The following PTPRK variants were observed in gnomAD, a reference collection of about 807,000 sequenced individuals.
The protein encoded by PTPRK is protein tyrosine phosphatase receptor type K.
A neutral mutation model predicts 178.0 loss-of-function variants in PTPRK; 75 were observed. The observed-to-expected ratio is 0.42, with a 90% confidence interval of 0.35 to 0.51. The LOEUF is 0.51. Among genes scored for constraint, PTPRK ranks in the 20% least tolerant of loss-of-function variants. The probability of loss-of-function intolerance (pLI) is 0.02; values close to 1 mark genes in which losing one functional copy is unlikely to be tolerated. For synonymous variants in PTPRK, 637 were observed against 620.6 expected, an observed-to-expected ratio of 1.03 and a Z score of -0.39; for missense variants, 1,441 against 1,797.8, an observed-to-expected ratio of 0.80 and a Z score of 3.59.
At chr6:128,031,655 T>C (rs1264598539) in intron 13 of PTPRK, among the ~76,000 whole-genome samples, 2 of 152,200 alleles carry the variant, frequency 1.3e-5, no homozygotes, top group Non-Finnish European at 2.9e-5. Flanking sequence ...AAATCAGCTA[T>C]GCTCCTTTCC....
At chr6:128,320,765 C>A (rs1828676736) in intron 3 of PTPRK, among the ~76,000 whole-genome samples, 1 of 152,108 alleles carries the variant, frequency 6.6e-6, no homozygotes, top group Non-Finnish European at 1.5e-5. Context: ...GATCTTGCAA[C>A]AAGTGCTCTA....
chr6:128,422,676 C>CA (rs750423577), intron 1 of PTPRK, among the ~76,000 whole-genome samples: 3,234 of 14,706 alleles, frequency 0.22, 1,283 homozygotes, highest in East Asian at 0.41. Context: ...TTCACGGACG[C>CA]AAAAAAAAAA....
chr6:128,003,114 T>C (rs1778025375), intron 15 of PTPRK: 15 of 1,377,638 alleles, frequency 1.1e-5, no homozygotes, highest in Non-Finnish European at 1.5e-5. Context: ...CCTCCTGCAC[T>C]GTAAATAATC....
At chr6:128,369,262 C>A (rs1032284077) in intron 2 of PTPRK, among the ~76,000 whole-genome samples, 1 of 149,990 alleles carries the variant, frequency 6.7e-6, no homozygotes, top group African/African-American at 2.5e-5. Flanking sequence ...AGAGAGTGAG[C>A]TCTTTTCCAA....
At chr6:128,016,568 G>C (rs1779616286) in intron 13 of PTPRK, among the ~76,000 whole-genome samples, 1 of 151,684 alleles carries the variant, frequency 6.6e-6, no homozygotes. Context: ...CCATATTTTG[G>C]GGTAATGTGC....
intron 21 of PTPRK, among the ~76,000 whole-genome samples, chr6:127,986,226 T>C (rs1245657104): frequency 2.0e-5 from 3 of 152,200 alleles, no homozygotes; most frequent in Non-Finnish European, 2.9e-5. Flanking sequence ...TGCTGCCCCA[T>C]TGACCCAATG....
chr6:128,316,920 A>G (rs191647968), intron 3 of PTPRK, among the ~76,000 whole-genome samples: 1 of 149,290 alleles, frequency 6.7e-6, no homozygotes, highest in East Asian at 1.9e-4. Context: ...CAATGACTAT[A>G]ATAATATGAG....
At chr6:128,192,721 T>C (rs1040588636) in intron 6 of PTPRK, among the ~76,000 whole-genome samples, 2 of 151,040 alleles carry the variant, frequency 1.3e-5, no homozygotes, top group Non-Finnish European at 2.9e-5. Context: ...GAGGCTGAGA[T>C]GGGAAGATCA....
intron 2 of PTPRK, among the ~76,000 whole-genome samples, chr6:128,356,170 A>G (rs370526605): frequency 6.6e-5 from 10 of 152,110 alleles, no homozygotes; most frequent in African/African-American, 2.4e-4. Context: ...CACATCAAAC[A>G]TCAATTAAAC....
intron 1 of PTPRK, among the ~76,000 whole-genome samples, chr6:128,402,118 T>G (rs1396653574): frequency 6.6e-6 from 1 of 152,192 alleles, no homozygotes; most frequent in African/African-American, 2.4e-5. Flanking sequence ...AAAGCCAATA[T>G]ATTTCACAAA....
At chr6:128,352,134 A>G (rs777870504) in intron 2 of PTPRK, among the ~76,000 whole-genome samples, 7 of 151,072 alleles carry the variant, frequency 4.6e-5, no homozygotes, top group African/African-American at 1.2e-4. Flanking sequence ...CACACCTGTA[A>G]TCCCAGCTAC....
intron 22 of PTPRK, among the ~76,000 whole-genome samples, chr6:127,984,230 T>G (rs1562381785): frequency 6.6e-6 from 1 of 152,212 alleles, no homozygotes; most frequent in East Asian, 1.9e-4. Context: ...ATGTATCATT[T>G]ATGTTGTGAA....
chr6:128,390,662 A>T (rs1487100162), intron 2 of PTPRK, among the ~76,000 whole-genome samples: 2 of 152,244 alleles, frequency 1.3e-5, no homozygotes, highest in East Asian at 3.9e-4. Flanking sequence ...TATTAGACAG[A>T]CAGATTTAAG....
In PTPRK at chr6:128,078,906, G is replaced by A; in HGVS notation, c.1790C>T (p.Pro597Leu). ...AGAGGCATCAACTCCTTCATAGTCAGGTAAAGTTGGAGCTGATGAGTGATT... is the reference window on the plus strand; with the variant it reads ...AGAGGCATCAACTCCTTCATAGTCAAGTAAAGTTGGAGCTGATGAGTGATT... ...VTTNISAPTL[P>L]DYEGVDASLN... is the part of the protein sequence containing the mutation. Residue 597 changes from proline to leucine, a missense_variant, in exon 11 of 30, where the codon CCT becomes CTT. Coordinates refer to ENST00000368226, the MANE Select transcript of PTPRK (RefSeq NM_002844.4). The A allele has an allele frequency of 6.2e-7, 1 of 1,608,946 alleles. No individual in the cohort carries two copies. Among genetic ancestry groups the A allele is most frequent in the Non-Finnish European group, 8.5e-7 (1 of 1,175,844 alleles).
intron 6 of PTPRK, among the ~76,000 whole-genome samples, chr6:128,213,734 T>A (rs916685158): frequency 2.0e-5 from 3 of 152,146 alleles, no homozygotes; most frequent in African/African-American, 7.2e-5. Context: ...TAGCAAAACC[T>A]TGCTTCTTAT....
At chr6:128,328,362 CT>C (rs1829844802) in intron 2 of PTPRK, among the ~76,000 whole-genome samples, 1 of 152,126 alleles carries the variant, frequency 6.6e-6, no homozygotes, top group Admixed American at 6.5e-5. Context: ...CTAATAAACA[CT>C]TGTTACTTGA....
chr6:127,974,699 C>G (rs1359170696), intron 27 of PTPRK, among the ~76,000 whole-genome samples: 1 of 152,154 alleles, frequency 6.6e-6, no homozygotes, highest in Admixed American at 6.5e-5. Context: ...GTTAAACACT[C>G]TATATTCTTT....
intron 2 of PTPRK, among the ~76,000 whole-genome samples, chr6:128,331,612 C>T (rs566476417): frequency 6.6e-6 from 1 of 152,106 alleles, no homozygotes; most frequent in Non-Finnish European, 1.5e-5. Context: ...AGTTTTAATT[C>T]TTCGAGCTTT....
chr6:128,064,659 A>C, intron 13 of PTPRK, 99 bp downstream of exon 13: 1 of 1,457,236 alleles, frequency 6.9e-7, no homozygotes, highest in Non-Finnish European at 9.1e-7. Context: ...TAACTATAAC[A>C]GAAATGTCAT....
Sources: gnomAD v4.1 joint callset for allele counts (sites outside exome capture counted in the v4.1 genomes callset) on GRCh38, gnomAD v4.1.1 for gene constraint, MANE v1.5 for transcripts, NCBI Gene and HGNC (gene_info 2026-07-23, HGNC 2026-07-21) for gene names.